The following MPPED1 variants were observed in gnomAD, a reference collection of about 807,000 sequenced individuals.
The protein encoded by MPPED1 is metallophosphoesterase domain containing 1.
Under a neutral mutation model 36.2 loss-of-function variants are expected in MPPED1, and 16 were observed. The observed-to-expected ratio is 0.44, with a 90% CI of 0.30 to 0.67. The LOEUF (loss-of-function observed/expected upper bound fraction) is 0.67. MPPED1 is among the 30% of genes least tolerant of loss of function. MPPED1 has a pLI of 0.10. For synonymous variants in MPPED1, 199 were observed against 191.3 expected (o/e 1.04, Z -0.33); for missense variants, 307 against 453.4 (o/e 0.68, Z 2.93).
In MPPED1 at chr22:43,466,396, C is replaced by T. The variant is rs185924896; in HGVS notation, c.407-8340C>T. Among the ~76,000 whole-genome samples, 485 of 152,256 alleles carry T rather than the reference C, an allele frequency of 3.2e-3. 2 individuals are homozygous for T. The highest frequency in any genetic ancestry group is 4.0e-3 in the Non-Finnish European group (272 of 67,986). On this transcript the variant is annotated intron_variant, in intron 3 of 6. Coordinates refer to ENST00000443721, the MANE Select transcript of MPPED1 (RefSeq NM_001044370.2). ...AGCTGCTGTGTGCCCAGGTAGGTGA[C>T]CTGAACTTGTAGAGCCTCAGTTCTC... is the stretch of plus-strand genomic sequence containing the variant.
intron 4 of MPPED1, among the ~76,000 whole-genome samples, chr22:43,487,030 G>C (rs1400163499): frequency 6.6e-6 from 1 of 152,158 alleles, no homozygotes; most frequent in Non-Finnish European, 1.5e-5. Context: ...AAGAGGGCTA[G>C]TGTGTAGTTC....
chr22:43,449,602 A>G (rs1312851867), intron 3 of MPPED1, among the ~76,000 whole-genome samples: 3 of 151,736 alleles, frequency 2.0e-5, no homozygotes, highest in Non-Finnish European at 4.4e-5. Flanking sequence ...CCATCCCCGC[A>G]CCCTGGAACT....
intron 2 of MPPED1, among the ~76,000 whole-genome samples, chr22:43,426,098 A>T (rs547560899): frequency 6.6e-4 from 100 of 152,110 alleles, no homozygotes; most frequent in South Asian, 6.5e-3. Context: ...TGCACGACAG[A>T]GCTTACCTGG....
chr22:43,480,569 T>C (rs567779646), intron 4 of MPPED1, among the ~76,000 whole-genome samples: 38 of 152,358 alleles, frequency 2.5e-4, no homozygotes, highest in South Asian at 1.9e-3. Flanking sequence ...TTTTTCTTAC[T>C]GGTTCATGGA....
At chr22:43,421,739 C>T (rs1929282503) in intron 1 of MPPED1, among the ~76,000 whole-genome samples, 2 of 152,198 alleles carry the variant, frequency 1.3e-5, no homozygotes, top group African/African-American at 4.8e-5. Flanking sequence ...TCCGTTTCTC[C>T]CTCCCTGCCT....
chr22:43,453,050 A>T (rs9623843), intron 3 of MPPED1, among the ~76,000 whole-genome samples: 13,470 of 151,366 alleles, frequency 0.089, 1,729 homozygotes, highest in African/African-American at 0.29. Context: ...CCTGGGTTCA[A>T]GTGATTCTCC....
intron 2 of MPPED1, among the ~76,000 whole-genome samples, chr22:43,428,044 C>T (rs1444473712): frequency 1.3e-5 from 2 of 152,164 alleles, no homozygotes; most frequent in Admixed American, 1.3e-4. Flanking sequence ...CATGCCAGGC[C>T]TGGTGAGGTG....
intron 1 of MPPED1, among the ~76,000 whole-genome samples, chr22:43,414,321 T>C (rs773635556): frequency 5.3e-5 from 8 of 152,198 alleles, no homozygotes; most frequent in Non-Finnish European, 1.0e-4. Flanking sequence ...GCTCACTTTA[T>C]ACAGGACACA....
intron 3 of MPPED1, among the ~76,000 whole-genome samples, chr22:43,467,344 G>T (rs1013542833): frequency 1.3e-5 from 2 of 152,238 alleles, no homozygotes; most frequent in Non-Finnish European, 2.9e-5. Context: ...GCTTCTGCAG[G>T]CGCAGCCCTG....
At position 43,474,398 on chromosome 22, in the gene MPPED1, G is replaced by C. The variant is rs1449629103; in HGVS notation, c.407-338G>C. ...GGCAGGACTGTGGGGACAGTGATCA[G>C]GCTGCTGCCTCCTTTGATCTGATGA... On this transcript the variant is annotated intron_variant, in intron 3 of 6. Coordinates refer to ENST00000443721, the MANE Select transcript of MPPED1 (RefSeq NM_001044370.2). The surrounding 1 kb of genome is among the most constrained non-coding windows in gnomAD (Gnocchi z 5.2). Among the ~76,000 whole-genome samples, 1 of 152,222 alleles carries C rather than the reference G, an allele frequency of 6.6e-6. No individual in the cohort carries two copies. The highest frequency in any genetic ancestry group is 1.5e-5 in the Non-Finnish European group (1 of 68,038).
chr22:43,497,929 G>GTGTATATAATA (rs1555904565), intron 4 of MPPED1, among the ~76,000 whole-genome samples: 2 of 48,758 alleles, frequency 4.1e-5, no homozygotes, highest in Admixed American at 2.9e-4. Context: ...ATATATATAT[G>GTGTATATAATA]TATATGTATA....
chr22:43,421,120 C>T lies in MPPED1; in HGVS notation c.-78-3788C>T, dbSNP rs149859133. Among the ~76,000 whole-genome samples, 1,011 of 152,334 alleles carry T rather than the reference C, an allele frequency of 6.6e-3. 4 individuals are homozygous for T. Among genetic ancestry groups the T allele is most frequent in the Middle Eastern group, 0.014 (4 of 294 alleles). ...GGTCCCGGGGCACCACTGCATCGCTCGCGTGCTGTGCTGTTTTGAGGACCG... is the reference window on the plus strand; with the variant it reads ...GGTCCCGGGGCACCACTGCATCGCTTGCGTGCTGTGCTGTTTTGAGGACCG... On this transcript the variant is annotated intron_variant, in intron 1 of 6. Transcript: ENST00000443721.
intron 3 of MPPED1, among the ~76,000 whole-genome samples, chr22:43,467,830 TG>T (rs138984685): frequency 0.022 from 3,364 of 152,320 alleles, 130 homozygotes; most frequent in African/African-American, 0.077. Context: ...CTCAATACTT[TG>T]CTCCGGGAAT....
chr22:43,432,170 C>T (rs1253603198), intron 2 of MPPED1, among the ~76,000 whole-genome samples: 1 of 151,664 alleles, frequency 6.6e-6, no homozygotes, highest in African/African-American at 2.4e-5. Context: ...TAGTCTTTGT[C>T]ACCTTATGAC....
chr22:43,481,263 G>A (rs1931740162), intron 4 of MPPED1, among the ~76,000 whole-genome samples: 1 of 152,268 alleles, frequency 6.6e-6, no homozygotes, highest in South Asian at 2.1e-4. Context: ...TCCTGGCCTA[G>A]CACCATGTGT....
chr22:43,442,502 G>T (rs1010087237), intron 3 of MPPED1, among the ~76,000 whole-genome samples: 1 of 152,174 alleles, frequency 6.6e-6, no homozygotes, highest in East Asian at 1.9e-4. Context: ...CTGGGCACCC[G>T]CCCCTGTGCG....
intron 1 of MPPED1, chr22:43,418,113 A>G: frequency 2.2e-6 from 1 of 456,326 alleles, no homozygotes; most frequent in Non-Finnish European, 4.4e-6. Context: ...GAAGAGAAAC[A>G]CAGGTGTGTT....
chr22:43,481,600 G>T (rs992448034), intron 4 of MPPED1, among the ~76,000 whole-genome samples: 13 of 152,156 alleles, frequency 8.5e-5, no homozygotes, highest in African/African-American at 3.1e-4. Context: ...ATCCAGGCCA[G>T]GTTTATTCTC....
intron 4 of MPPED1, among the ~76,000 whole-genome samples, chr22:43,482,082 C>T (rs1293171025): frequency 6.6e-6 from 1 of 152,082 alleles, no homozygotes; most frequent in African/African-American, 2.4e-5. Flanking sequence ...CGGGAACCAA[C>T]TGCAGGAGAA....
Sources: gnomAD v4.1 joint callset for allele counts (sites outside exome capture counted in the v4.1 genomes callset) on GRCh38, gnomAD v4.1.1 for gene constraint, Gnocchi (gnomAD v3.1) non-coding constraint, MANE v1.5 for transcripts, NCBI Gene and HGNC (gene_info 2026-07-23, HGNC 2026-07-21) for gene names.